Variants in LGALS9 observed in about 807,000 individuals in gnomAD.
LGALS9 encodes the protein galectin 9, also known as galectin-9.
Under a neutral mutation model 35.9 loss-of-function variants are expected in LGALS9, and 26 were observed. That is an observed-to-expected ratio of 0.72 (90% confidence interval 0.53 to 1.01). The LOEUF is 1.01. LGALS9 is among the 50% of genes least tolerant of loss of function. The probability of loss-of-function intolerance (pLI) is 0.00; values close to 1 mark genes in which losing one functional copy is unlikely to be tolerated. For missense variants in LGALS9, 347 were observed against 445.8 expected, an observed-to-expected ratio of 0.78 and a Z score of 1.99; for synonymous variants, 149 against 172.2, an observed-to-expected ratio of 0.87 and a Z score of 1.06.
At chr17:27,646,493 G>A in intron 7 of LGALS9, 54 bp from the exon 8 acceptor site, 26 of 1,611,452 alleles carry the variant, frequency 1.6e-5, no homozygotes, top group Non-Finnish European at 2.2e-5. Flanking sequence ...GCCTGGGTGA[G>A]TGCTCGCGCA....
At chr17:27,642,179 G>A (rs1038351884) in intron 3 of LGALS9, 59 bp from the exon 4 acceptor site, 8 of 1,576,614 alleles carry the variant, frequency 5.1e-6, no homozygotes, top group Admixed American at 1.8e-5. Flanking sequence ...AGGAGCTCAG[G>A]GGTGGTCCCC....
chr17:27,641,362 G>A (rs1437561720), intron 3 of LGALS9, among the ~76,000 whole-genome samples: 1 of 152,144 alleles, frequency 6.6e-6, no homozygotes, highest in Non-Finnish European at 1.5e-5. Flanking sequence ...CCATAAAAAG[G>A]AATGAGATCA....
chr17:27,635,524 G>C (rs1567911780), intron 1 of LGALS9, among the ~76,000 whole-genome samples: 2 of 152,016 alleles, frequency 1.3e-5, no homozygotes, highest in Non-Finnish European at 2.9e-5. Context: ...CACTATTTAA[G>C]ATATTTTGAA....
chr17:27,641,068 T>C (rs1039206374), intron 3 of LGALS9: 5 of 603,998 alleles, frequency 8.3e-6, no homozygotes, highest in African/African-American at 3.6e-5. Flanking sequence ...TCCATTCCTC[T>C]GCTATAGCCA....
intron 2 of LGALS9, among the ~76,000 whole-genome samples, chr17:27,638,951 C>A (rs2074485459): frequency 6.6e-6 from 1 of 152,142 alleles, no homozygotes; most frequent in Non-Finnish European, 1.5e-5. Context: ...GCCTGGCTGA[C>A]CCCTGCCGAG....
In LGALS9 at chr17:27,649,124, G is replaced by A; in HGVS notation, c.*142G>A. 2.9e-6 allele frequency: 4 copies of A among 1,359,624 alleles called. No homozygotes were observed. The South Asian group carries it at 5.5e-5, about 19-fold the overall frequency. The allele number at this position is 1,359,624 out of a possible 1,614,324, so 84.2% of individuals were successfully genotyped here. ...AGAGGCCATGTCCTTGTCTGGTCCT[G>A]CTTCTGGCTACAGCCACCCTGGAAC... On this transcript the variant is annotated 3_prime_UTR_variant, in exon 11 of 11. Transcript: ENST00000395473.
At chr17:27,641,155 G>A (rs1405027644) in intron 3 of LGALS9, 6 of 377,396 alleles carry the variant, frequency 1.6e-5, no homozygotes, top group Non-Finnish European at 3.1e-5. Context: ...TCTATTAAGG[G>A]TATAGTTTTG....
In LGALS9 at chr17:27,643,069, A is replaced by C. The variant is rs183943798; in HGVS notation, c.445-456A>C. Among the ~76,000 whole-genome samples the C allele has an allele frequency of 1.8e-4, 27 of 152,326 alleles. No individual in the cohort carries two copies. In the East Asian group the frequency reaches 4.8e-3, roughly 27 times the overall value. Reference sequence around the variant, plus strand: ...CTTTGTTTAAATAATAAAATAAAATAAATAAAACTAAATAAGGTCAGGAGA... The same window carrying C: ...CTTTGTTTAAATAATAAAATAAAATCAATAAAACTAAATAAGGTCAGGAGA... On this transcript the variant is annotated intron_variant, in intron 4 of 10. Coordinates refer to ENST00000395473, the MANE Select transcript of LGALS9 (RefSeq NM_009587.3).
At chr17:27,632,560 C>G (rs2074403543) in intron 1 of LGALS9, among the ~76,000 whole-genome samples, 1 of 152,312 alleles carries the variant, frequency 6.6e-6, no homozygotes, top group South Asian at 2.1e-4. Flanking sequence ...GAACAGGCCG[C>G]TGGTGGGGGC....
intron 7 of LGALS9, 55 bp from the exon 8 acceptor site, chr17:27,646,492 A>T: frequency 6.2e-7 from 1 of 1,611,072 alleles, no homozygotes; most frequent in Non-Finnish European, 8.5e-7. Flanking sequence ...CGCCTGGGTG[A>T]GTGCTCGCGC....
chr17:27,642,008 A>G (rs544718129), intron 3 of LGALS9, among the ~76,000 whole-genome samples: 1 of 152,258 alleles, frequency 6.6e-6, no homozygotes, highest in South Asian at 2.1e-4. Context: ...AGCTAAGACT[A>G]GAAAGACAAA....
In LGALS9 at chr17:27,648,990, C is replaced by T; in HGVS notation, c.*8C>T. 1 of 1,613,934 alleles carries T rather than the reference C, an allele frequency of 6.2e-7. No homozygotes were observed. Among genetic ancestry groups the T allele is most frequent in the Non-Finnish European group, 8.5e-7 (1 of 1,179,840 alleles). ...ACCCATGTGCAGACATAGGCGGCTT[C>T]CTGGCCCTGGGGCCGGGGGCTGGGG... On this transcript the variant is annotated 3_prime_UTR_variant, in exon 11 of 11. Transcript: ENST00000395473.
rs553267631 is a variant in LGALS9 at position 27,635,837 on chromosome 17, A to G, written c.40-2426A>G. ...AAACAGGCAAGGAGAAAAATGTTCC[A>G]CAGACATGTTTCAGGGAAAACAGGC... On this transcript the variant is annotated intron_variant, in intron 1 of 10. Coordinates refer to ENST00000395473, the MANE Select transcript of LGALS9 (RefSeq NM_009587.3). Among the ~76,000 whole-genome samples, 84 of 152,338 alleles carry G rather than the reference A, an allele frequency of 5.5e-4. 2 individuals carry two copies. In the South Asian group the frequency reaches 0.013, roughly 24 times the overall value.
intron 3 of LGALS9, among the ~76,000 whole-genome samples, chr17:27,641,803 A>T (rs867360505): frequency 6.6e-5 from 10 of 151,830 alleles, no homozygotes; most frequent in Admixed American, 6.6e-5. Flanking sequence ...GTGAAACCCC[A>T]TCTCTACTAA....
At chr17:27,646,733 T>G in intron 8 of LGALS9, 145 bp downstream of exon 8, 1 of 1,398,772 alleles carries the variant, frequency 7.1e-7, no homozygotes, top group South Asian at 1.2e-5. Context: ...TCCCAGCGAA[T>G]TAGAAGGCTG....
At chr17:27,635,134 G>T (rs982098104) in intron 1 of LGALS9, among the ~76,000 whole-genome samples, 5 of 152,096 alleles carry the variant, frequency 3.3e-5, no homozygotes, top group Non-Finnish European at 7.4e-5. Flanking sequence ...AACCTTGTTT[G>T]TAGGATGATA....
In LGALS9 at chr17:27,649,289, C is replaced by T; in HGVS notation, c.*307C>T. 2.1e-6 allele frequency: 1 copy of T among 465,820 alleles called. No individual in the cohort carries two copies. Among genetic ancestry groups the T allele is most frequent in the Non-Finnish European group, 4.0e-6 (1 of 250,624 alleles). The allele number at this position is 465,820 out of a possible 1,614,324, so 28.9% of individuals were successfully genotyped here. A position where few individuals can be genotyped will look rare whatever the true frequency, so the allele number is the denominator to read the frequency against. ...GGCAGTGAAGATGAAGCCCCATGCT[C>T]AGTCCCCTCCCATCCCCCACGCAGC... is the stretch of plus-strand genomic sequence containing the variant. On this transcript the variant is annotated 3_prime_UTR_variant, in exon 11 of 11. Coordinates refer to ENST00000395473, the MANE Select transcript of LGALS9 (RefSeq NM_009587.3).
At chr17:27,647,218 A>G in intron 9 of LGALS9, 52 bp from the exon 10 acceptor site, 1 of 1,613,490 alleles carries the variant, frequency 6.2e-7, no homozygotes, top group South Asian at 1.1e-5. Context: ...ATGGGGAGGA[A>G]ATGGGACTCA....
intron 10 of LGALS9, 40 bp downstream of exon 10, chr17:27,647,472 G>C (rs752013771): frequency 6.2e-7 from 1 of 1,611,954 alleles, no homozygotes; most frequent in African/African-American, 1.3e-5. Flanking sequence ...GGCTCCCATG[G>C]GTGCACAGGG....
Sources: gnomAD v4.1 joint callset for allele counts (sites outside exome capture counted in the v4.1 genomes callset) on GRCh38, gnomAD v4.1.1 for gene constraint, MANE v1.5 for transcripts, NCBI Gene and HGNC (gene_info 2026-07-23, HGNC 2026-07-21) for gene names.